ESCO1: variants seen among roughly 807,000 people sequenced by gnomAD.
The protein encoded by ESCO1 is N-acetyltransferase ESCO1.
In ESCO1, 33 loss-of-function variants were observed where a neutral mutation model predicts 83.5. The ratio of observed to expected loss-of-function variants is 0.40; its 90% CI spans 0.30 to 0.53. ESCO1 has a LOEUF of 0.53. ESCO1 is among the 20% of genes least tolerant of loss of function. The pLI is 0.63. For synonymous variants in ESCO1, 332 were observed against 324.3 expected (o/e 1.02, Z -0.25); for missense variants, 855 against 968.0 (o/e 0.88, Z 1.55).
In ESCO1 at chr18:21,574,453, C is replaced by G; in HGVS notation, c.391G>C (p.Val131Leu). Residue 131 changes from valine to leucine, a missense_variant, in exon 4 of 12, where the codon GTT (valine) becomes CTT (leucine). This residue lies in a region of ESCO1 where 726 missense variants were observed against 699.5 expected (regional missense o/e 1.04). Transcript: ENST00000269214. Reference protein sequence around the residue: ...RSQRLQQLTEVSRRSLRSREI... With the variant: ...RSQRLQQLTELSRRSLRSREI... ...CTACTGCGTAACGACCTTCTTGAAA[C>G]CTCTGTTAATTGTTGTAGCCTTTGT... The G allele has an allele frequency of 6.2e-7, 1 of 1,614,118 alleles. No individual in the cohort carries two copies. The highest frequency in any genetic ancestry group is 8.5e-7 in the Non-Finnish European group (1 of 1,180,018).
intron 1 of ESCO1, among the ~76,000 whole-genome samples, chr18:21,590,503 AG>A (rs2038650210): frequency 1.3e-5 from 2 of 152,030 alleles, no homozygotes; most frequent in Non-Finnish European, 2.9e-5. Flanking sequence ...TACAGGCATG[AG>A]CCACCGCACC....
At position 21,573,431 on chromosome 18, in the gene ESCO1, T is replaced by C. The variant is rs2038367699; in HGVS notation, c.1413A>G (p.Glu471=). The change falls in exon 4 of 12, where the codon GAA becomes GAG. Residue 471 remains glutamate, a synonymous_variant. Transcript: ENST00000269214. ...GAGCCCTTTCTGTGGTTTTATTAAT[T>C]TCTACTGTAATATCATTAATTTTCA... The part of the protein sequence containing the change: ...EEVKINDITV[E]INKTTERAPE... 6.2e-7 allele frequency: 1 copy of C among 1,612,052 alleles called. No individual in the cohort carries two copies. The highest frequency in any genetic ancestry group is 8.5e-7 in the Non-Finnish European group (1 of 1,179,458).
At chr18:21,594,425 AACT>A (rs2038730067) in intron 1 of ESCO1, among the ~76,000 whole-genome samples, 1 of 152,146 alleles carries the variant, frequency 6.6e-6, no homozygotes, top group African/African-American at 2.4e-5. Context: ...CCTCCCAATG[AACT>A]ACTATTATTT....
intron 4 of ESCO1, 146 bp downstream of exon 4, chr18:21,573,168 A>T: frequency 2.8e-6 from 2 of 714,720 alleles, no homozygotes; most frequent in Non-Finnish European, 4.3e-6. Flanking sequence ...AGACTGGGTT[A>T]ATAAAACTCT....
intron 4 of ESCO1, 52 bp downstream of exon 4, chr18:21,573,262 T>A: frequency 6.9e-7 from 1 of 1,454,072 alleles, no homozygotes; most frequent in Non-Finnish European, 9.2e-7. Flanking sequence ...TAAAGACATT[T>A]CTTACAGAAA....
At chr18:21,549,165 C>A (rs749461819) in intron 8 of ESCO1, among the ~76,000 whole-genome samples, 1 of 152,124 alleles carries the variant, frequency 6.6e-6, no homozygotes, top group Non-Finnish European at 1.5e-5. Flanking sequence ...ATTTTTGAGA[C>A]CCTGTCTCTA....
intron 8 of ESCO1, among the ~76,000 whole-genome samples, chr18:21,541,652 G>A (rs140693795): frequency 1.7e-3 from 255 of 149,690 alleles, no homozygotes; most frequent in Non-Finnish European, 1.6e-3. Flanking sequence ...TCTGAATATA[G>A]GTAAACAATT....
chr18:21,570,495 T>G (rs374867701), intron 4 of ESCO1, among the ~76,000 whole-genome samples: 2 of 152,224 alleles, frequency 1.3e-5, no homozygotes, highest in Admixed American at 6.5e-5. Flanking sequence ...AAATATAATG[T>G]TGATTACACA....
intron 2 of ESCO1, among the ~76,000 whole-genome samples, chr18:21,580,191 G>A (rs1044733113): frequency 2.0e-5 from 3 of 151,894 alleles, no homozygotes; most frequent in Non-Finnish European, 4.4e-5. Context: ...GAATCACCGC[G>A]CCCAGCCCCC....
intron 8 of ESCO1, among the ~76,000 whole-genome samples, chr18:21,559,119 G>C (rs2038150304): frequency 6.6e-6 from 1 of 152,192 alleles, no homozygotes; most frequent in Admixed American, 6.6e-5. Flanking sequence ...TGTTTTGGAA[G>C]AGTCTCTTCC....
rs1448622810 is a variant in ESCO1 at position 21,539,975 on chromosome 18, G to A, written c.1988C>T (p.Pro663Leu). Reference sequence around the variant, plus strand: ...AAGAACCATTATTATCCTGCCATCAGGGTATTCAGCCAGAATTCTTTCTTT... The same window carrying A: ...AAGAACCATTATTATCCTGCCATCAAGGTATTCAGCCAGAATTCTTTCTTT... The part of the protein sequence containing the change: ...WKKERILAEY[P>L]DGRIIMVLPE... The change falls in exon 9 of 12, where the codon CCT becomes CTT. Residue 663 changes from proline (P) to leucine (L), a missense_variant. Around this residue, in one of 2 missense-constraint regions of ESCO1, gnomAD observed 129 missense variants for 268.5 expected, o/e 0.48. Transcript: ENST00000269214. 6.2e-7 allele frequency: 1 copy of A among 1,613,374 alleles called. No homozygotes were observed. Among genetic ancestry groups the A allele is most frequent in the Admixed American group, 1.7e-5 (1 of 59,944 alleles).
At chr18:21,538,037 C>A (rs1489024173) in intron 9 of ESCO1, among the ~76,000 whole-genome samples, 1 of 151,416 alleles carries the variant, frequency 6.6e-6, no homozygotes, top group Non-Finnish European at 1.5e-5. Flanking sequence ...TTAGGTATGT[C>A]ATGAATGCAT....
At chr18:21,540,634 T>C (rs769404478) in intron 8 of ESCO1, 11 of 1,343,076 alleles carry the variant, frequency 8.2e-6, no homozygotes, top group Non-Finnish European at 9.8e-6. Context: ...AAGTTAAACA[T>C]ACTCAAAAAA....
intron 8 of ESCO1, among the ~76,000 whole-genome samples, chr18:21,552,675 C>T (rs940875341): frequency 6.6e-6 from 1 of 151,986 alleles, no homozygotes; most frequent in Non-Finnish European, 1.5e-5. Context: ...ACAGAGAACC[C>T]GGAAACAGAC....
rs1394831589 is a variant in ESCO1, at chr18:21,537,634, TC to T, written c.2044-1450del. ...GACACAGCATCCTACAACTCCTAATTCCTAAAGACAAGTGATTCACAATTCC... is the reference window on the plus strand; with the variant it reads ...GACACAGCATCCTACAACTCCTAATTCTAAAGACAAGTGATTCACAATTCC... On this transcript the variant is annotated intron_variant, in intron 9 of 11. Coordinates refer to ENST00000269214, the MANE Select transcript of ESCO1 (RefSeq NM_052911.3). Among the ~76,000 whole-genome samples, 3 of 152,204 alleles carry T rather than the reference TC, an allele frequency of 2.0e-5. No individual in the cohort carries two copies. In the East Asian group the frequency reaches 5.8e-4, roughly 29 times the overall value.
chr18:21,558,138 A>C (rs1275906812), intron 8 of ESCO1, among the ~76,000 whole-genome samples: 1 of 151,770 alleles, frequency 6.6e-6, no homozygotes, highest in Non-Finnish European at 1.5e-5. Flanking sequence ...GGCGCATGCC[A>C]CCACGCCCAG....
chr18:21,557,148 A>G (rs776482293), intron 8 of ESCO1, among the ~76,000 whole-genome samples: 1 of 152,216 alleles, frequency 6.6e-6, no homozygotes, highest in Non-Finnish European at 1.5e-5. Flanking sequence ...TCATCAAAAT[A>G]TTGTTTTAAT....
chr18:21,545,100 T>A (rs2037956159), intron 8 of ESCO1, among the ~76,000 whole-genome samples: 1 of 152,194 alleles, frequency 6.6e-6, no homozygotes, highest in South Asian at 2.1e-4. Context: ...CTGTGTACTT[T>A]CTTTTTCTTT....
chr18:21,577,260 G>T lies in ESCO1; in HGVS notation c.-693-1483C>A, dbSNP rs746203528. Among the ~76,000 whole-genome samples the T allele has an allele frequency of 6.7e-5, 10 of 148,244 alleles. 1 individual carries two copies. The highest frequency in any genetic ancestry group is 1.3e-4 in the Admixed American group (2 of 14,852). ...TAATCCCAGCTGCTCAGGAGGCTGA[G>T]GCAGGAGAATCACTTGAACCTGGGA... On this transcript the variant is annotated intron_variant, in intron 2 of 11. Transcript: ENST00000269214.
Sources: allele counts gnomAD v4.1 joint callset (sites outside exome capture counted in the v4.1 genomes callset), GRCh38; gene constraint gnomAD v4.1.1; regional missense constraint gnomAD v4.1.1; transcripts MANE v1.5; gene names NCBI Gene and HGNC (gene_info 2026-07-23, HGNC 2026-07-21).